CFAP210: variants seen among roughly 807,000 people sequenced by gnomAD.
CFAP210 encodes cilia- and flagella- associated protein 210.
the CFAP210 span, chr2:169,662,549 TG>T: frequency 1.1e-6 from 1 of 891,112 alleles, no homozygotes; most frequent in Non-Finnish European, 1.6e-6. Context: ...GAAAAATCTG[TG>T]AATTTCTTTG....
chr2:169,652,737 T>G, the CFAP210 span, among the ~76,000 whole-genome samples: 1 of 151,784 alleles, frequency 6.6e-6, no homozygotes, highest in Non-Finnish European at 1.5e-5. Context: ...GGCTCACGCC[T>G]GTAATCCCAG....
At chr2:169,661,394 T>G in the CFAP210 span, 1 of 377,762 alleles carries the variant, frequency 2.6e-6, no homozygotes, top group South Asian at 2.1e-5. Context: ...CCTTTTATCC[T>G]CCTCTTGAAC....
chr2:169,656,964 C>CAAAAAAAAAAAAAAAAAAAAAA, the CFAP210 span, among the ~76,000 whole-genome samples: 2 of 40,334 alleles, frequency 5.0e-5, no homozygotes, highest in Non-Finnish European at 3.9e-5. Flanking sequence ...GACTCCATCT[C>CAAAAAAAAAAAAAAAAAAAAAA]AAAAAAAAAA....
chr2:169,685,503 A>G, the CFAP210 span, among the ~76,000 whole-genome samples: 4 of 152,216 alleles, frequency 2.6e-5, no homozygotes, highest in Admixed American at 2.6e-4. Flanking sequence ...TCTGGATTAT[A>G]GATCCTTAGC....
At chr2:169,674,477 C>T in the CFAP210 span, 3 of 1,000,846 alleles carry the variant, frequency 3.0e-6, no homozygotes, top group East Asian at 8.1e-5. Flanking sequence ...TTTCTACTGA[C>T]TAATTATTTT....
the CFAP210 span, among the ~76,000 whole-genome samples, chr2:169,689,597 C>A: frequency 2.0e-5 from 3 of 152,068 alleles, no homozygotes; most frequent in Non-Finnish European, 4.4e-5. Context: ...ATCTGGATGG[C>A]CTTTTGTTTT....
chr2:169,663,697 A>C, the CFAP210 span, among the ~76,000 whole-genome samples: 1 of 152,094 alleles, frequency 6.6e-6, no homozygotes, highest in African/African-American at 2.4e-5. Flanking sequence ...GCAGAATAAT[A>C]AGCTTTAGAG....
the CFAP210 span, chr2:169,675,151 T>A: frequency 1.2e-6 from 1 of 815,650 alleles, no homozygotes; most frequent in Non-Finnish European, 1.7e-6. Context: ...GTATTTGTAA[T>A]ATTTTATTAA....
chr2:169,685,005 A>G, the CFAP210 span, among the ~76,000 whole-genome samples: 287 of 152,234 alleles, frequency 1.9e-3, no homozygotes, highest in African/African-American at 6.5e-3. Flanking sequence ...GAAGTAGCAC[A>G]TTTTGTTTAT....
the CFAP210 span, among the ~76,000 whole-genome samples, chr2:169,678,994 A>C: frequency 1.3e-5 from 2 of 152,196 alleles, no homozygotes; most frequent in African/African-American, 4.8e-5. Flanking sequence ...TAAATAGAGC[A>C]ATAAAACAGA....
At chr2:169,646,111 A>C in the CFAP210 span, 1 of 1,613,950 alleles carries the variant, frequency 6.2e-7, no homozygotes. Context: ...TTTCAGCCAC[A>C]AGAGCTTCAG....
chr2:169,674,833 G>T, the CFAP210 span: 6 of 1,495,806 alleles, frequency 4.0e-6, no homozygotes, highest in Non-Finnish European at 5.3e-6. Flanking sequence ...ATATGTTAAA[G>T]ATATATAAAA....
At chr2:169,689,284 A>AT in the CFAP210 span, among the ~76,000 whole-genome samples, 1 of 152,044 alleles carries the variant, frequency 6.6e-6, no homozygotes, top group East Asian at 1.9e-4. Context: ...TATATCTTTA[A>AT]TTTTTTCAAT....
the CFAP210 span, chr2:169,662,521 A>G: frequency 8.3e-7 from 1 of 1,200,270 alleles, no homozygotes; most frequent in South Asian, 1.6e-5. Flanking sequence ...CCAACCTGGA[A>G]TGAGTTGAAG....
chr2:169,690,753 T>C, the CFAP210 span, among the ~76,000 whole-genome samples: 1 of 152,188 alleles, frequency 6.6e-6, no homozygotes, highest in Non-Finnish European at 1.5e-5. Flanking sequence ...TAATTTCTTA[T>C]AAGAAATTTG....
At chr2:169,656,528 A>G in the CFAP210 span, among the ~76,000 whole-genome samples, 97 of 151,770 alleles carry the variant, frequency 6.4e-4, 1 homozygote, top group African/African-American at 2.2e-3. Context: ...GAGGAGAAGG[A>G]GACAGGAAAT....
the CFAP210 span, among the ~76,000 whole-genome samples, chr2:169,675,690 C>T: frequency 9.4e-3 from 1,434 of 152,326 alleles, 29 homozygotes; most frequent in African/African-American, 0.032. Context: ...TGGAGACACA[C>T]ATCCAAACTA....
chr2:169,694,182 C>T, the CFAP210 span: 1 of 1,386,668 alleles, frequency 7.2e-7, no homozygotes. Flanking sequence ...CTGAAGCCCT[C>T]ATTCGGCATC....
the CFAP210 span, among the ~76,000 whole-genome samples, chr2:169,656,295 A>G: frequency 1.3e-5 from 2 of 151,984 alleles, no homozygotes; most frequent in Admixed American, 1.3e-4. Context: ...GTCTCAAAAA[A>G]AGAGGAAGAG....
Sources: gnomAD v4.1 joint callset for allele counts (sites outside exome capture counted in the v4.1 genomes callset) on GRCh38, gnomAD v4.1.1 for gene constraint, MANE v1.5 for transcripts, NCBI Gene and HGNC (gene_info 2026-07-23, HGNC 2026-07-21) for gene names.